Variants in NCMAP observed in about 807,000 individuals in gnomAD.
NCMAP encodes noncompact myelin-associated protein.
Under a neutral mutation model 7.8 loss-of-function variants are expected in NCMAP, and 8 were observed. The ratio of observed to expected loss-of-function variants is 1.02; its 90% CI spans 0.60 to 1.84. NCMAP has a LOEUF of 1.84. Ranked by LOEUF, NCMAP falls within the 40% of genes most tolerant of loss-of-function variation. NCMAP has a pLI of 0.00. For synonymous variants in NCMAP, 41 were observed against 52.9 expected (o/e 0.78, Z 0.98); for missense variants, 112 against 131.4 (o/e 0.85, Z 0.72).
intron 3 of NCMAP, among the ~76,000 whole-genome samples, chr1:24,605,314 A>T (rs1652684462): frequency 6.6e-6 from 1 of 152,128 alleles, no homozygotes; most frequent in Non-Finnish European, 1.5e-5. Context: ...GAACATAAAA[A>T]ATGTAATATC....
intron 1 of NCMAP, among the ~76,000 whole-genome samples, chr1:24,592,691 G>T (rs1259037698): frequency 6.6e-6 from 1 of 152,258 alleles, no homozygotes; most frequent in South Asian, 2.1e-4. Context: ...GGCCAAGGCA[G>T]GTGGATCATG....
At chr1:24,582,134 A>C (rs6657703) in intron 1 of NCMAP, among the ~76,000 whole-genome samples, 34,554 of 151,692 alleles carry the variant, frequency 0.23, 4,539 homozygotes, top group East Asian at 0.55. Context: ...CTCATGCGCA[A>C]CCTCCTGATT....
At chr1:24,585,089 T>TA (rs1651844455) in intron 1 of NCMAP, among the ~76,000 whole-genome samples, 1 of 152,154 alleles carries the variant, frequency 6.6e-6, no homozygotes, top group Middle Eastern at 3.2e-3. Flanking sequence ...ACATGTTCAG[T>TA]ATGTAATTGT....
At chr1:24,568,580 T>G (rs1929303) in intron 1 of NCMAP, among the ~76,000 whole-genome samples, 43,942 of 151,748 alleles carry the variant, frequency 0.29, 6,534 homozygotes, top group Non-Finnish European at 0.32. Flanking sequence ...TTTATTATTA[T>G]TAGTAGTAGT....
intron 1 of NCMAP, among the ~76,000 whole-genome samples, chr1:24,574,364 C>T (rs1158177086): frequency 6.6e-6 from 1 of 151,426 alleles, no homozygotes; most frequent in Non-Finnish European, 1.5e-5. Flanking sequence ...AGTTATCTGC[C>T]CACCTCGGCC....
intron 1 of NCMAP, among the ~76,000 whole-genome samples, chr1:24,591,249 G>A (rs377442310): frequency 2.0e-5 from 3 of 152,212 alleles, no homozygotes; most frequent in East Asian, 3.9e-4. Context: ...GTCTTCCTTG[G>A]GGGGCGACTG....
At chr1:24,598,066 C>A (rs990127202) in intron 2 of NCMAP, among the ~76,000 whole-genome samples, 1 of 151,876 alleles carries the variant, frequency 6.6e-6, no homozygotes, top group Admixed American at 6.6e-5. Flanking sequence ...ACAGCCTCCC[C>A]GACAAAGAAT....
chr1:24,577,452 G>A (rs373991491), intron 1 of NCMAP, among the ~76,000 whole-genome samples: 15 of 42,738 alleles, frequency 3.5e-4, no homozygotes, highest in East Asian at 1.6e-3. Flanking sequence ...TTTGTTTTTC[G>A]TTTGTAGAGA....
At chr1:24,598,826 C>G (rs545693844) in intron 2 of NCMAP, among the ~76,000 whole-genome samples, 1 of 150,996 alleles carries the variant, frequency 6.6e-6, no homozygotes, top group Admixed American at 6.6e-5. Flanking sequence ...TTAGTAGAGA[C>G]GGGGTTTCAC....
intron 2 of NCMAP, among the ~76,000 whole-genome samples, chr1:24,600,543 C>T (rs11249140): frequency 0.029 from 4,477 of 152,284 alleles, 224 homozygotes; most frequent in African/African-American, 0.1. Flanking sequence ...AGTTCTTCAA[C>T]GACCCCCTCT....
intron 1 of NCMAP, among the ~76,000 whole-genome samples, chr1:24,565,451 G>T (rs1651199174): frequency 6.6e-6 from 1 of 152,150 alleles, no homozygotes; most frequent in Admixed American, 6.5e-5. Context: ...GCTTGGACAG[G>T]TTGGGAGGTG....
intron 1 of NCMAP, among the ~76,000 whole-genome samples, chr1:24,593,591 T>C (rs1652116832): frequency 6.6e-6 from 1 of 152,166 alleles, no homozygotes; most frequent in African/African-American, 2.4e-5. Context: ...TTTGTCTTCA[T>C]AATTTAAAAA....
chr1:24,599,822 C>T (rs1652406873), intron 2 of NCMAP, among the ~76,000 whole-genome samples: 1 of 6,510 alleles, frequency 1.5e-4, no homozygotes, highest in Admixed American at 4.9e-4. Flanking sequence ...GTGATCCGCC[C>T]CCCCCCCCCC....
chr1:24,575,136 G>T (rs1436560387), intron 1 of NCMAP, among the ~76,000 whole-genome samples: 3 of 151,886 alleles, frequency 2.0e-5, no homozygotes, highest in Non-Finnish European at 4.4e-5. Context: ...TTTAATTTCT[G>T]GGAGGCGGAG....
At chr1:24,603,802 A>C (rs1049323717) in intron 3 of NCMAP, among the ~76,000 whole-genome samples, 1 of 152,170 alleles carries the variant, frequency 6.6e-6, no homozygotes, top group Non-Finnish European at 1.5e-5. Flanking sequence ...AGTAATAGAG[A>C]GAAAAAAAGC....
At chr1:24,577,410 T>TTG (rs1651612129) in intron 1 of NCMAP, among the ~76,000 whole-genome samples, 1 of 140,358 alleles carries the variant, frequency 7.1e-6, no homozygotes, top group African/African-American at 2.7e-5. Context: ...TGTTTTTTTT[T>TTG]TTTTTTTTTT....
chr1:24,573,111 G>A lies in NCMAP; in HGVS notation c.-8+16942G>A, dbSNP rs1377712831. ...CCAGGCCCTGCTCACACACCTCCAC[G>A]CCTGTCTATGGGGCAGACCTGGGTC... On this transcript the variant is annotated intron_variant, in intron 1 of 3. Coordinates refer to ENST00000374392, the MANE Select transcript of NCMAP (RefSeq NM_001010980.5). Among the ~76,000 whole-genome samples, 2 of 150,676 alleles carry A rather than the reference G, an allele frequency of 1.3e-5. 1 individual carries two copies. The highest frequency in any genetic ancestry group is 5.0e-5 in the African/African-American group (2 of 40,034).
intron 1 of NCMAP, among the ~76,000 whole-genome samples, chr1:24,568,696 G>A (rs142457645): frequency 9.6e-4 from 146 of 152,258 alleles, no homozygotes; most frequent in East Asian, 4.2e-3. Flanking sequence ...CCACCCAGCC[G>A]AGCCAGGTCA....
chr1:24,602,781 G>A (rs112839457), intron 3 of NCMAP, among the ~76,000 whole-genome samples: 8,167 of 151,022 alleles, frequency 0.054, 754 homozygotes, highest in African/African-American at 0.19. Flanking sequence ...TAGGCCGGGC[G>A]TGGTGGCTCA....
Sources: gnomAD v4.1 joint callset for allele counts (sites outside exome capture counted in the v4.1 genomes callset) on GRCh38, gnomAD v4.1.1 for gene constraint, MANE v1.5 for transcripts, NCBI Gene and HGNC (gene_info 2026-07-23, HGNC 2026-07-21) for gene names.